Variants in SPAG16 observed in about 807,000 individuals in gnomAD.
SPAG16 encodes sperm-associated antigen 16 protein.
Under a neutral mutation model 80.4 loss-of-function variants are expected in SPAG16, and 86 were observed. The observed-to-expected ratio is 1.07, with a 90% CI of 0.90 to 1.28. The LOEUF is 1.28. Among genes scored for constraint, SPAG16 ranks in the 50% most tolerant of loss-of-function variants. SPAG16 has a pLI of 0.00. For missense variants in SPAG16, 870 were observed against 765.3 expected (o/e 1.14, Z -1.61); for synonymous variants, 294 against 265.9 (o/e 1.11, Z -1.03).
chr2:213,599,595 A>G (rs1171546986), intron 10 of SPAG16, among the ~76,000 whole-genome samples: 1 of 152,238 alleles, frequency 6.6e-6, no homozygotes, highest in African/African-American at 2.4e-5. Flanking sequence ...AATACAGTAT[A>G]TAATACACGT....
intron 15 of SPAG16, among the ~76,000 whole-genome samples, chr2:214,265,351 A>G (rs1691484436): frequency 6.6e-6 from 1 of 151,994 alleles, no homozygotes; most frequent in Admixed American, 6.6e-5. Context: ...TTTCCTGATG[A>G]CATATGATGT....
rs73987150 is a variant in SPAG16 at position 214,076,692 on chromosome 2, C to T, written c.1528-31504C>T. Among the ~76,000 whole-genome samples the T allele has an allele frequency of 9.2e-3, 1,403 of 152,050 alleles. 29 individuals are homozygous for T. Among genetic ancestry groups the T allele is most frequent in the African/African-American group, 0.032 (1,329 of 41,480 alleles). On this transcript the variant is annotated intron_variant, in intron 13 of 15. Transcript: ENST00000331683. ...GCAAGTTACTTGACCTCTTGTAGTTCTTATTATAGAATGTGCCTTGGGCTG... is the reference window on the plus strand; with the variant it reads ...GCAAGTTACTTGACCTCTTGTAGTTTTTATTATAGAATGTGCCTTGGGCTG...
chr2:214,404,447 C>T (rs563347977), intron 15 of SPAG16, among the ~76,000 whole-genome samples: 3 of 152,116 alleles, frequency 2.0e-5, no homozygotes, highest in African/African-American at 7.2e-5. Flanking sequence ...GCTGCTACTG[C>T]GATCATTGTT....
At chr2:214,265,444 ATTGAG>A (rs1229496941) in intron 15 of SPAG16, among the ~76,000 whole-genome samples, 2 of 151,870 alleles carry the variant, frequency 1.3e-5, no homozygotes, top group Non-Finnish European at 2.9e-5. Context: ...ACACTTTTTA[ATTGAG>A]TTATTTATTT....
chr2:214,095,653 A>C, intron 13 of SPAG16, among the ~76,000 whole-genome samples: 1 of 152,186 alleles, frequency 6.6e-6, no homozygotes, highest in South Asian at 2.1e-4. Context: ...TGTATTATAG[A>C]AAAAAATGAA....
intron 11 of SPAG16, among the ~76,000 whole-genome samples, chr2:213,921,964 T>A (rs1439215556): frequency 6.6e-6 from 1 of 152,230 alleles, no homozygotes; most frequent in Non-Finnish European, 1.5e-5. Flanking sequence ...ATTTTTTCAT[T>A]CATTTGGACC....
intron 10 of SPAG16, among the ~76,000 whole-genome samples, chr2:213,814,139 G>C (rs2125675403): frequency 6.6e-6 from 1 of 152,224 alleles, no homozygotes; most frequent in South Asian, 2.1e-4. Flanking sequence ...AGGCTGACGG[G>C]GTAGAAATTC....
At chr2:214,406,830 A>C (rs555065520) in intron 15 of SPAG16, among the ~76,000 whole-genome samples, 1 of 152,266 alleles carries the variant, frequency 6.6e-6, no homozygotes, top group African/African-American at 2.4e-5. Flanking sequence ...TCAACAGAAA[A>C]GGTATTGATT....
chr2:213,605,277 T>TA (rs1351763026), intron 10 of SPAG16, among the ~76,000 whole-genome samples: 5 of 151,596 alleles, frequency 3.3e-5, no homozygotes, highest in African/African-American at 7.3e-5. Context: ...CATTTTTTTT[T>TA]TTTTTTTGAG....
intron 13 of SPAG16, among the ~76,000 whole-genome samples, chr2:214,073,251 T>C (rs1162777190): frequency 6.6e-6 from 1 of 151,714 alleles, no homozygotes; most frequent in Non-Finnish European, 1.5e-5. Flanking sequence ...TTTTTCTTTT[T>C]TTTTGAGACA....
chr2:214,207,992 T>G (rs549440038), intron 15 of SPAG16, among the ~76,000 whole-genome samples: 1 of 152,332 alleles, frequency 6.6e-6, no homozygotes, highest in South Asian at 2.1e-4. Context: ...TCCCTACTTT[T>G]GAGGTTTTTG....
intron 13 of SPAG16, among the ~76,000 whole-genome samples, chr2:214,042,239 G>A (rs542904244): frequency 1.3e-5 from 2 of 151,246 alleles, no homozygotes; most frequent in Admixed American, 6.6e-5. Flanking sequence ...GATTACAGAC[G>A]TGCATCACCA....
chr2:213,997,426 C>A (rs1189358268), intron 12 of SPAG16, among the ~76,000 whole-genome samples: 2 of 152,078 alleles, frequency 1.3e-5, no homozygotes, highest in African/African-American at 2.4e-5. Flanking sequence ...TTTCCAAAAA[C>A]AAATTTCTTA....
chr2:213,768,568 T>G (rs934355468), intron 10 of SPAG16, among the ~76,000 whole-genome samples: 1 of 152,154 alleles, frequency 6.6e-6, no homozygotes. Context: ...GATCTAAATT[T>G]TGAATTTGGA....
intron 15 of SPAG16, among the ~76,000 whole-genome samples, chr2:214,348,824 G>A (rs1398794803): frequency 2.6e-5 from 4 of 152,192 alleles, no homozygotes; most frequent in Admixed American, 6.5e-5. Flanking sequence ...TGAGCTATAA[G>A]AATATGGTAG....
At chr2:213,517,462 T>C (rs1452684601) in intron 10 of SPAG16, among the ~76,000 whole-genome samples, 1 of 152,160 alleles carries the variant, frequency 6.6e-6, no homozygotes, top group Non-Finnish European at 1.5e-5. Flanking sequence ...AAAGCTATCC[T>C]AAAATTCATA....
chr2:213,987,390 T>C (rs1398672444), intron 12 of SPAG16, among the ~76,000 whole-genome samples: 1 of 152,062 alleles, frequency 6.6e-6, no homozygotes, highest in Non-Finnish European at 1.5e-5. Flanking sequence ...AATCGTGTAA[T>C]TTAGATCTTG....
intron 3 of SPAG16, 123 bp downstream of exon 3, chr2:213,297,480 CT>C: frequency 7.3e-6 from 4 of 548,732 alleles, no homozygotes; most frequent in Non-Finnish European, 1.3e-5. Context: ...ATTTTCATCT[CT>C]GTTTATTTGT....
chr2:213,949,194 G>GTTTTGTTTTTTTTTTTTTTT (rs2079621462), intron 12 of SPAG16, among the ~76,000 whole-genome samples: 1 of 10,502 alleles, frequency 9.5e-5, no homozygotes, highest in African/African-American at 2.8e-4. Context: ...TTTTTTTTTT[G>GTTTTGTTTTTTTTTTTTTTT]AGGTAGAGTC....
Sources: allele counts gnomAD v4.1 joint callset (sites outside exome capture counted in the v4.1 genomes callset), GRCh38; gene constraint gnomAD v4.1.1; transcripts MANE v1.5; gene names NCBI Gene and HGNC (gene_info 2026-07-23, HGNC 2026-07-21).